The following FAM13C variants were observed in gnomAD, a reference collection of about 807,000 sequenced individuals.
The protein encoded by FAM13C is protein FAM13C.
FAM13C carries 37 observed loss-of-function variants against 73.2 expected under a neutral mutation model. The ratio of observed to expected loss-of-function variants is 0.51; its 90% CI spans 0.39 to 0.67. FAM13C has a LOEUF of 0.67. Among genes scored for constraint, FAM13C ranks in the 30% least tolerant of loss-of-function variants. The probability of loss-of-function intolerance (pLI) is 0.00; values close to 1 mark genes in which losing one functional copy is unlikely to be tolerated. For missense variants in FAM13C, 589 were observed against 715.6 expected, an observed-to-expected ratio of 0.82 and a Z score of 2.02; for synonymous variants, 246 against 260.9, an observed-to-expected ratio of 0.94 and a Z score of 0.55.
At chr10:59,301,874 T>C (rs1214851322) in intron 5 of FAM13C, among the ~76,000 whole-genome samples, 1 of 152,234 alleles carries the variant, frequency 6.6e-6, no homozygotes, top group African/African-American at 2.4e-5. Context: ...AAGCAGCTGG[T>C]TTACCTTTAG....
At position 59,257,426 on chromosome 10, in the gene FAM13C, C is replaced by T. The variant is rs1006709139; in HGVS notation, c.1237-2983G>A. On this transcript the variant is annotated intron_variant, in intron 10 of 13. Coordinates refer to ENST00000618804, the MANE Select transcript of FAM13C (RefSeq NM_198215.4). Reference sequence around the variant, plus strand: ...CTTCTACCACCTTGTTTTCCTTTCCCGCATGGGAGTGGTGCCATGTATTCT... The same window carrying T: ...CTTCTACCACCTTGTTTTCCTTTCCTGCATGGGAGTGGTGCCATGTATTCT... Among the ~76,000 whole-genome samples the T allele has an allele frequency of 3.9e-5, 6 of 152,190 alleles. No homozygotes were observed. The South Asian group carries it at 8.3e-4, about 21-fold the overall frequency.
At position 59,362,361 on chromosome 10, in the gene FAM13C, G is replaced by A. The variant is rs370270802; in HGVS notation, c.62+38C>T. 1.9e-6 allele frequency: 3 copies of A among 1,608,470 alleles called. No individual in the cohort carries two copies. In the African/African-American group the frequency reaches 4.0e-5, roughly 21 times the overall value. ...TTCACGATAGTTGCTTCCAGAGAAA[G>A]GCATGCAAGTCTAATTTTAATGGTA... On this transcript the variant is annotated intron_variant, in intron 1 of 13. Transcript: ENST00000618804.
chr10:59,271,680 C>T (rs1843731693), intron 6 of FAM13C, among the ~76,000 whole-genome samples: 1 of 152,166 alleles, frequency 6.6e-6, no homozygotes, highest in South Asian at 2.1e-4. Flanking sequence ...GAGTTACTAA[C>T]CAATAACTCA....
intron 3 of FAM13C, among the ~76,000 whole-genome samples, chr10:59,345,283 T>G (rs989866285): frequency 1.3e-5 from 2 of 152,210 alleles, no homozygotes; most frequent in Admixed American, 1.3e-4. Context: ...ATATCAGTTA[T>G]GCAATGCGGC....
chr10:59,265,138 A>T (rs755362149), intron 8 of FAM13C, among the ~76,000 whole-genome samples: 7 of 152,020 alleles, frequency 4.6e-5, no homozygotes, highest in Admixed American at 1.3e-4. Context: ...TCACGTGTAC[A>T]TGAGTTTAGG....
chr10:59,268,714 G>C (rs772116357), intron 7 of FAM13C, 23 bp from the exon 8 acceptor site: 1 of 1,604,608 alleles, frequency 6.2e-7, no homozygotes, highest in East Asian at 2.2e-5. Flanking sequence ...CAAGGAGGAA[G>C]GAGTATCAAA....
In FAM13C at chr10:59,253,010, C is replaced by G. The variant is rs375718041; in HGVS notation, c.1333-12G>C. On this transcript the variant is annotated splice_polypyrimidine_tract_variant and intron_variant, in intron 11 of 13. Transcript: ENST00000618804. ...TCCTCTTCCTCCTGCTTATCACAGG[C>G]AGAGTTAAAGAAAGAAAGTCATGTA... 1 of 1,612,638 alleles carries G rather than the reference C, an allele frequency of 6.2e-7. No individual in the cohort carries two copies.
chr10:59,308,880 C>A (rs542903582), intron 4 of FAM13C, among the ~76,000 whole-genome samples: 1 of 152,272 alleles, frequency 6.6e-6, no homozygotes, highest in East Asian at 1.9e-4. Context: ...TTCTAGTGGC[C>A]TCCTCGCAGG....
At chr10:59,345,655 C>T (rs1347524377) in intron 3 of FAM13C, among the ~76,000 whole-genome samples, 2 of 152,166 alleles carry the variant, frequency 1.3e-5, no homozygotes, top group Non-Finnish European at 2.9e-5. Flanking sequence ...TAAACCCAAA[C>T]ATTTGACTCA....
intron 6 of FAM13C, among the ~76,000 whole-genome samples, chr10:59,278,065 C>T (rs1844516034): frequency 6.6e-6 from 1 of 152,188 alleles, no homozygotes; most frequent in South Asian, 2.1e-4. Context: ...AGGCTTGTCT[C>T]ACATGGTGGC....
chr10:59,327,573 AC>A, intron 3 of FAM13C: 1 of 135,848 alleles, frequency 7.4e-6, no homozygotes, highest in African/African-American at 3.2e-5. Flanking sequence ...CCACCCCCCC[AC>A]CAAAAAAGGT....
At chr10:59,283,607 C>T in intron 5 of FAM13C, 160 bp from the exon 6 acceptor site, 1 of 719,518 alleles carries the variant, frequency 1.4e-6, no homozygotes. Flanking sequence ...CACTGCCTGG[C>T]AGGAAGAGGG....
intron 2 of FAM13C, among the ~76,000 whole-genome samples, chr10:59,355,009 A>ATAC (rs1054744786): frequency 4.6e-5 from 7 of 151,464 alleles, no homozygotes; most frequent in Non-Finnish European, 8.8e-5. Context: ...AATAATAATA[A>ATAC]TAATAATAAT....
chr10:59,293,402 A>G (rs1846519296), intron 5 of FAM13C, among the ~76,000 whole-genome samples: 1 of 152,158 alleles, frequency 6.6e-6, no homozygotes. Flanking sequence ...GCATTCACAC[A>G]TGAGCAAGAA....
chr10:59,274,161 T>C (rs1342792152), intron 6 of FAM13C, among the ~76,000 whole-genome samples: 1 of 152,038 alleles, frequency 6.6e-6, no homozygotes, highest in Non-Finnish European at 1.5e-5. Context: ...GGGAGGATAA[T>C]AGCATCACCC....
chr10:59,292,669 G>A (rs759592814), intron 5 of FAM13C, among the ~76,000 whole-genome samples: 13 of 152,134 alleles, frequency 8.5e-5, no homozygotes, highest in Non-Finnish European at 1.5e-4. Flanking sequence ...TGGAAAGCAT[G>A]GCCATTTCCT....
intron 5 of FAM13C, among the ~76,000 whole-genome samples, chr10:59,297,606 T>C (rs996491073): frequency 6.6e-6 from 1 of 152,146 alleles, no homozygotes; most frequent in East Asian, 1.9e-4. Context: ...CATGCTATTG[T>C]CTGGCTTCAT....
chr10:59,343,613 C>T (rs1853808726), intron 3 of FAM13C, among the ~76,000 whole-genome samples: 1 of 152,166 alleles, frequency 6.6e-6, no homozygotes. Context: ...AATGGAAATG[C>T]TGTGTGTTAC....
At chr10:59,291,815 G>T (rs1846261456) in intron 5 of FAM13C, among the ~76,000 whole-genome samples, 1 of 123,718 alleles carries the variant, frequency 8.1e-6, no homozygotes, top group East Asian at 2.3e-4. Context: ...TTGAGATGGA[G>T]TCTTGCTCTG....
Sources: gnomAD v4.1 joint callset for allele counts (sites outside exome capture counted in the v4.1 genomes callset) on GRCh38, gnomAD v4.1.1 for gene constraint, MANE v1.5 for transcripts, NCBI Gene and HGNC (gene_info 2026-07-23, HGNC 2026-07-21) for gene names.